Variants in EXOC6B observed in about 807,000 individuals in gnomAD.
The protein encoded by EXOC6B is SEC15 homolog B.
EXOC6B carries 54 observed loss-of-function variants against 113.5 expected under a neutral mutation model. The ratio of observed to expected loss-of-function variants is 0.48; its 90% CI spans 0.38 to 0.60. The LOEUF is 0.60. Among genes scored for constraint, EXOC6B ranks in the 20% least tolerant of loss-of-function variants. EXOC6B has a pLI of 0.00. For missense variants in EXOC6B, 797 were observed against 977.5 expected, an observed-to-expected ratio of 0.82 and a Z score of 2.46; for synonymous variants, 357 against 339.0, an observed-to-expected ratio of 1.05 and a Z score of -0.58.
chr2:72,542,668 G>T (rs1292003254), intron 8 of EXOC6B, among the ~76,000 whole-genome samples: 5 of 152,134 alleles, frequency 3.3e-5, no homozygotes, highest in African/African-American at 9.7e-5. Context: ...GCTGCTGAAT[G>T]ACCAAAATCA....
At chr2:72,537,885 AAAG>A (rs1483310069) in intron 8 of EXOC6B, among the ~76,000 whole-genome samples, 1 of 152,172 alleles carries the variant, frequency 6.6e-6, no homozygotes, top group Non-Finnish European at 1.5e-5. Flanking sequence ...ATCAAAATTC[AAAG>A]AAGATTAAAA....
intron 20 of EXOC6B, among the ~76,000 whole-genome samples, chr2:72,242,337 C>T (rs550755304): frequency 1.6e-3 from 238 of 152,054 alleles, no homozygotes; most frequent in African/African-American, 4.8e-3. Flanking sequence ...GTGAAATAAA[C>T]GAAGTAATAT....
At chr2:72,559,065 C>T (rs1028820343) in intron 8 of EXOC6B, among the ~76,000 whole-genome samples, 1 of 152,084 alleles carries the variant, frequency 6.6e-6, no homozygotes, top group Non-Finnish European at 1.5e-5. Context: ...GAGAGGTTCC[C>T]TTTTCCATAT....
At position 72,393,102 on chromosome 2, in the gene EXOC6B, C is replaced by CT. The variant is rs113073440; in HGVS notation, c.1981-13233dup. 1.7e-3 allele frequency among the ~76,000 whole-genome samples: 249 copies of CT among 143,618 alleles called. 2 individuals are homozygous for CT. In the East Asian group the frequency reaches 0.018, roughly 10 times the overall value. The allele number at this position is 143,618 out of a possible 152,430, so 94.2% of individuals were successfully genotyped here. The stretch of plus-strand genomic sequence containing the variant: ...TGTTTGTTTGTTTGTTTTTGGGGTT[C>CT]TTTTTTTTTTTGAGACAAAGTCTCA... On this transcript the variant is annotated intron_variant, in intron 18 of 21. Coordinates refer to ENST00000272427, the MANE Select transcript of EXOC6B (RefSeq NM_015189.3).
intron 20 of EXOC6B, among the ~76,000 whole-genome samples, chr2:72,254,256 G>C (rs759870589): frequency 6.6e-5 from 10 of 152,194 alleles, no homozygotes; most frequent in Non-Finnish European, 1.2e-4. Context: ...GATTAACTGG[G>C]TAGACCCCTG....
rs199881722 is a variant in EXOC6B, at chr2:72,601,101, CAT to C, written c.670-25435_670-25434del. 5.0e-3 allele frequency among the ~76,000 whole-genome samples: 711 copies of C among 141,086 alleles called. 25 individuals are homozygous for C. The East Asian group carries it at 0.097, about 19-fold the overall frequency. 92.6% of individuals were successfully genotyped at this position (141,086 alleles called of 152,430 possible). A position where few individuals can be genotyped will look rare whatever the true frequency, so the allele number is the denominator to read the frequency against. On this transcript the variant is annotated intron_variant, in intron 6 of 21. Coordinates refer to ENST00000272427, the MANE Select transcript of EXOC6B (RefSeq NM_015189.3). The stretch of plus-strand genomic sequence containing the variant: ...ACACCATTATAGACTTGTATGGCTA[CAT>C]ATATATATATGTGTGTGTGTATGTG...
At chr2:72,672,186 T>C (rs1403689212) in intron 6 of EXOC6B, among the ~76,000 whole-genome samples, 1 of 123,360 alleles carries the variant, frequency 8.1e-6, no homozygotes, top group African/African-American at 3.1e-5. Context: ...GCAATTCGAC[T>C]ACTGGGTATA....
At chr2:72,767,818 A>AAAAAAAAAAAAAG (rs1683169106) in intron 1 of EXOC6B, among the ~76,000 whole-genome samples, 1 of 136,598 alleles carries the variant, frequency 7.3e-6, no homozygotes, top group African/African-American at 2.7e-5. Flanking sequence ...TAAAAAAAAA[A>AAAAAAAAAAAAAG]AAAAAAAAAA....
chr2:72,636,184 C>T (rs551677470), intron 6 of EXOC6B, among the ~76,000 whole-genome samples: 2 of 151,648 alleles, frequency 1.3e-5, no homozygotes, highest in South Asian at 2.1e-4. Context: ...CATCATGCCA[C>T]TGCATTACAG....
At chr2:72,220,247 C>G (rs984403813) in intron 20 of EXOC6B, among the ~76,000 whole-genome samples, 4 of 152,160 alleles carry the variant, frequency 2.6e-5, no homozygotes, top group Admixed American at 2.6e-4. Flanking sequence ...GGACTATACT[C>G]CATTCTTTCT....
Position 72,566,583 on chromosome 2 carries a change from A to G in EXOC6B, c.847-7062T>C, listed in dbSNP as rs549820503. On this transcript the variant is annotated intron_variant, in intron 7 of 21. Transcript: ENST00000272427. ...ATGACCACTCCTGGCTGTATGTTCA[A>G]CATTATAATAAACTGCTAAACTGTT... is the stretch of plus-strand genomic sequence containing the variant. Among the ~76,000 whole-genome samples the G allele has an allele frequency of 1.3e-4, 20 of 152,216 alleles. No individual in the cohort carries two copies. The South Asian group carries it at 4.1e-3, about 32-fold the overall frequency.
At chr2:72,409,035 C>A (rs1573055560) in intron 18 of EXOC6B, among the ~76,000 whole-genome samples, 6 of 152,142 alleles carry the variant, frequency 3.9e-5, no homozygotes, top group Admixed American at 3.9e-4. Flanking sequence ...AAACAAACAA[C>A]CCCATCAACA....
At chr2:72,251,081 G>A (rs1254707261) in intron 20 of EXOC6B, among the ~76,000 whole-genome samples, 2 of 118,846 alleles carry the variant, frequency 1.7e-5, no homozygotes, top group South Asian at 2.5e-4. Flanking sequence ...GCCCCCCTTG[G>A]CCTTTACTTG....
At chr2:72,648,818 A>C (rs201774880) in intron 6 of EXOC6B, among the ~76,000 whole-genome samples, 6 of 44 alleles carry the variant, frequency 0.14, no homozygotes, top group Admixed American at 0.33. Flanking sequence ...AAAATGTTGC[A>C]ATGTTCTCAT....
Position 72,305,936 on chromosome 2 carries a change from T to G in EXOC6B, c.2196+29011A>C, listed in dbSNP as rs545008379. Among the ~76,000 whole-genome samples, 8 of 152,332 alleles carry G rather than the reference T, an allele frequency of 5.3e-5. No individual in the cohort carries two copies. The South Asian group carries it at 1.7e-3, about 32-fold the overall frequency. ...ATCTAGGTCTTAGAAGTTCTGATTT[T>G]GTTTACATAATACATGACCAGGGCC... On this transcript the variant is annotated intron_variant, in intron 20 of 21. Coordinates refer to ENST00000272427, the MANE Select transcript of EXOC6B (RefSeq NM_015189.3).
intron 1 of EXOC6B, among the ~76,000 whole-genome samples, chr2:72,819,749 A>G (rs551413253): frequency 1.3e-5 from 2 of 152,174 alleles, no homozygotes; most frequent in Non-Finnish European, 2.9e-5. Flanking sequence ...TTGGAGGAAG[A>G]GTATGAAAAG....
chr2:72,313,147 T>C (rs1687305864), intron 20 of EXOC6B, among the ~76,000 whole-genome samples: 1 of 151,834 alleles, frequency 6.6e-6, no homozygotes, highest in Non-Finnish European at 1.5e-5. Flanking sequence ...TCAAAAACAA[T>C]AGGGGTAACA....
rs866183185 is a variant in EXOC6B, at chr2:72,535,751, T to C, written c.916-20625A>G. 5.9e-5 allele frequency among the ~76,000 whole-genome samples: 9 copies of C among 151,872 alleles called. 1 individual carries two copies. Among genetic ancestry groups the C allele is most frequent in the Middle Eastern group, 3.4e-3 (1 of 294 alleles). ...CGGGTATGGTGACGCATGTCTGTAATCCTAGCTACTAGGGAGGCTGAGGCA... is the reference window on the plus strand; with the variant it reads ...CGGGTATGGTGACGCATGTCTGTAACCCTAGCTACTAGGGAGGCTGAGGCA... On this transcript the variant is annotated intron_variant, in intron 8 of 21. Transcript: ENST00000272427.
chr2:72,300,794 C>G (rs1686466471), intron 20 of EXOC6B, among the ~76,000 whole-genome samples: 1 of 152,134 alleles, frequency 6.6e-6, no homozygotes. Flanking sequence ...AATCCCCCGA[C>G]CCCTTGCACT....
Sources: gnomAD v4.1 joint callset for allele counts (sites outside exome capture counted in the v4.1 genomes callset) on GRCh38, gnomAD v4.1.1 for gene constraint, MANE v1.5 for transcripts, NCBI Gene and HGNC (gene_info 2026-07-23, HGNC 2026-07-21) for gene names.